Variants in NCOA1 observed in about 807,000 individuals in gnomAD.
NCOA1 encodes the protein nuclear receptor coactivator 1.
Under a neutral mutation model 150.9 loss-of-function variants are expected in NCOA1, and 35 were observed. That is an observed-to-expected ratio of 0.23 (90% CI 0.18 to 0.31). NCOA1 has a LOEUF of 0.31. Among genes scored for constraint, NCOA1 ranks in the 10% least tolerant of loss-of-function variants. The probability of loss-of-function intolerance (pLI) is 1.00; values close to 1 mark genes in which losing one functional copy is unlikely to be tolerated. For missense variants in NCOA1, 1,491 were observed against 1,749.3 expected (o/e 0.85, Z 2.63); for synonymous variants, 590 against 630.0 (o/e 0.94, Z 0.95).
rs753321862 is a variant in NCOA1 at position 24,707,854 on chromosome 2, C to T, written c.2384C>T (p.Thr795Ile). The T allele has an allele frequency of 4.2e-5, 68 of 1,600,660 alleles. No homozygotes were observed. Among genetic ancestry groups the T allele is most frequent in the Admixed American group, 8.8e-5 (5 of 56,626 alleles). Reference protein sequence around the residue: ...NTNPTPMTKPTPEEIKLEAQS... With the variant: ...NTNPTPMTKPIPEEIKLEAQS... ...AACCCAACCCCAATGACCAAACCCA[C>T]TCCTGAGGAAATAAAACTGGAGGCC... The change falls in exon 13 of 23, where the codon ACT (threonine) becomes ATT (isoleucine). Residue 795 changes from threonine (T) to isoleucine (I), a missense_variant. By Grantham distance (89) the Thr-to-Ile change is moderately conservative. Transcript: ENST00000348332.
intron 18 of NCOA1, 49 bp from the exon 19 acceptor site, chr2:24,741,735 G>C: frequency 2.3e-5 from 35 of 1,547,014 alleles, no homozygotes; most frequent in Non-Finnish European, 3.1e-5. Flanking sequence ...TTCCAGGATA[G>C]ATAGTGATTA....
intron 1 of NCOA1, among the ~76,000 whole-genome samples, chr2:24,538,830 G>A (rs900164787): frequency 7.9e-5 from 12 of 152,098 alleles, no homozygotes; most frequent in Non-Finnish European, 1.3e-4. Flanking sequence ...CTGTCCTCAA[G>A]GAGATTACAG....
At chr2:24,640,172 G>A (rs1670144375) in intron 3 of NCOA1, among the ~76,000 whole-genome samples, 1 of 151,686 alleles carries the variant, frequency 6.6e-6, no homozygotes, top group Non-Finnish European at 1.5e-5. Flanking sequence ...CCATAGTAGT[G>A]AGAGAACATA....
At chr2:24,739,349 C>A in intron 17 of NCOA1, 83 bp from the exon 18 acceptor site, 1 of 975,988 alleles carries the variant, frequency 1.0e-6, no homozygotes. Flanking sequence ...TTTTAGTAAT[C>A]AATAGAAAGT....
chr2:24,682,646 C>T (rs1407972840), intron 7 of NCOA1, among the ~76,000 whole-genome samples: 1 of 152,174 alleles, frequency 6.6e-6, no homozygotes, highest in East Asian at 1.9e-4. Flanking sequence ...CAATCCTCTT[C>T]CTCCCCAACT....
intron 17 of NCOA1, among the ~76,000 whole-genome samples, chr2:24,733,637 G>A (rs1208948515): frequency 6.6e-6 from 1 of 152,132 alleles, no homozygotes; most frequent in Non-Finnish European, 1.5e-5. Flanking sequence ...CCAGTTACTG[G>A]GGAGGCTGAG....
chr2:24,639,256 G>C (rs970229421), intron 3 of NCOA1, among the ~76,000 whole-genome samples: 10 of 151,768 alleles, frequency 6.6e-5, no homozygotes, highest in Non-Finnish European at 1.2e-4. Flanking sequence ...CATACAGTCT[G>C]TTTCTTTCTG....
chr2:24,507,915 C>T (rs947656819), intron 1 of NCOA1, among the ~76,000 whole-genome samples: 1 of 152,080 alleles, frequency 6.6e-6, no homozygotes, highest in Non-Finnish European at 1.5e-5. Flanking sequence ...TTCTAATACA[C>T]CCTGTGAACG....
chr2:24,594,796 A>C (rs1667822105), intron 3 of NCOA1, among the ~76,000 whole-genome samples: 1 of 152,114 alleles, frequency 6.6e-6, no homozygotes, highest in Non-Finnish European at 1.5e-5. Context: ...GTTGTAGTTC[A>C]ACATACTTAA....
At chr2:24,685,502 A>C (rs943761113) in intron 8 of NCOA1, among the ~76,000 whole-genome samples, 1 of 152,234 alleles carries the variant, frequency 6.6e-6, no homozygotes, top group Non-Finnish European at 1.5e-5. Flanking sequence ...AAGTTTGAAA[A>C]AAAATTTTAA....
intron 6 of NCOA1, among the ~76,000 whole-genome samples, chr2:24,670,541 A>G (rs919644257): frequency 2.6e-5 from 4 of 152,226 alleles, no homozygotes; most frequent in African/African-American, 9.6e-5. Context: ...TGAACCCTGA[A>G]AACATGCTAA....
At chr2:24,682,790 A>G (rs1558900760) in intron 7 of NCOA1, among the ~76,000 whole-genome samples, 161 bp from the exon 8 acceptor site, 1 of 118,416 alleles carries the variant, frequency 8.4e-6, no homozygotes, top group African/African-American at 3.4e-5. Context: ...CTGATATTTT[A>G]TTATGTTTAT....
At chr2:24,737,762 G>T (rs1663397789) in intron 17 of NCOA1, among the ~76,000 whole-genome samples, 1 of 152,168 alleles carries the variant, frequency 6.6e-6, no homozygotes, top group Admixed American at 6.5e-5. Flanking sequence ...AAGCACCTGT[G>T]CATTTTACTG....
intron 1 of NCOA1, among the ~76,000 whole-genome samples, chr2:24,512,319 C>G (rs1172829343): frequency 2.6e-5 from 4 of 152,108 alleles, no homozygotes; most frequent in Admixed American, 2.6e-4. Flanking sequence ...GGTTTAGGAG[C>G]TCAATAGGTT....
At chr2:24,752,242 G>T in intron 20 of NCOA1, 86 bp downstream of exon 20, 1 of 1,423,866 alleles carries the variant, frequency 7.0e-7, no homozygotes, top group Non-Finnish European at 9.5e-7. Context: ...TTGAACCTCA[G>T]GAACATTATG....
intron 3 of NCOA1, among the ~76,000 whole-genome samples, chr2:24,611,564 A>G (rs1668629278): frequency 6.6e-6 from 1 of 152,226 alleles, no homozygotes; most frequent in Admixed American, 6.5e-5. Context: ...TTCCCACTAA[A>G]AATGTATAAG....
intron 22 of NCOA1, among the ~76,000 whole-genome samples, chr2:24,765,281 A>C (rs1264285367): frequency 6.6e-6 from 1 of 151,814 alleles, no homozygotes; most frequent in East Asian, 1.9e-4. Flanking sequence ...AGGCGGGCAG[A>C]TCACTAGGTC....
chr2:24,707,409 C>T lies in NCOA1; in HGVS notation c.1939C>T (p.His647Tyr), dbSNP rs1471990994. ...AACAACTGCCGAACAGCAGTTACGG[C>T]ATGCTGATATAGACACAAGCTGCAA... The part of the protein sequence containing the change: ...LTTTAEQQLR[H>Y]ADIDTSCKDV... Residue 647 changes from histidine to tyrosine, a missense_variant, in exon 13 of 23, where the codon CAT (histidine) becomes TAT (tyrosine). This residue lies in a region of NCOA1 where 703 missense variants were observed against 717.7 expected (regional missense o/e 0.98). Coordinates refer to ENST00000348332, the MANE Select transcript of NCOA1 (RefSeq NM_003743.5). 1.2e-6 allele frequency: 2 copies of T among 1,614,198 alleles called. No individual in the cohort carries two copies. Among genetic ancestry groups the T allele is most frequent in the South Asian group, 2.2e-5 (2 of 91,078 alleles).
chr2:24,557,747 C>CT (rs558703668), intron 1 of NCOA1, among the ~76,000 whole-genome samples: 4 of 151,936 alleles, frequency 2.6e-5, no homozygotes, highest in South Asian at 4.2e-4. Context: ...CTATGTTCAG[C>CT]TTTTTTTTCT....
Sources: gnomAD v4.1 joint callset for allele counts (sites outside exome capture counted in the v4.1 genomes callset) on GRCh38, gnomAD v4.1.1 for gene constraint, gnomAD v4.1.1 regional missense constraint, MANE v1.5 for transcripts, NCBI Gene and HGNC (gene_info 2026-07-23, HGNC 2026-07-21) for gene names.